The following KATNIP variants were observed in gnomAD, a reference collection of about 807,000 sequenced individuals.
The protein encoded by KATNIP is katanin-interacting protein.
In KATNIP, 126 loss-of-function variants were observed where a neutral mutation model predicts 174.0. That is an observed-to-expected ratio of 0.72 (90% CI 0.63 to 0.84). The LOEUF (loss-of-function observed/expected upper bound fraction) is 0.84, where lower values mean the gene tolerates loss of function less well. Ranked by LOEUF, KATNIP falls within the 40% of genes least tolerant of loss-of-function variation. The pLI, the probability that KATNIP is intolerant of heterozygous loss-of-function variation, is 0.00. For synonymous variants in KATNIP, 810 were observed against 835.7 expected (o/e 0.97, Z 0.53); for missense variants, 1,958 against 2,109.7 (o/e 0.93, Z 1.41).
chr16:27,660,265 G>A (rs1435286019), intron 6 of KATNIP, among the ~76,000 whole-genome samples: 1 of 152,070 alleles, frequency 6.6e-6, no homozygotes, highest in Non-Finnish European at 1.5e-5. Context: ...CAAAATCCGT[G>A]GATTGGCCGG....
chr16:27,700,872 C>G (rs753759858), intron 10 of KATNIP, among the ~76,000 whole-genome samples: 8 of 152,168 alleles, frequency 5.3e-5, no homozygotes, highest in Non-Finnish European at 8.8e-5. Context: ...TCCCATCATC[C>G]TCGTCTGCCA....
At chr16:27,760,592 C>T (rs1385359795) in intron 18 of KATNIP, among the ~76,000 whole-genome samples, 2 of 152,208 alleles carry the variant, frequency 1.3e-5, no homozygotes, top group Non-Finnish European at 1.5e-5. Context: ...TGTCAGTTTC[C>T]AGCGCTGGGG....
In KATNIP at chr16:27,740,341, A is replaced by C; in HGVS notation, c.2044A>C (p.Lys682Gln). The change falls in exon 15 of 28, where the codon AAG (lysine) becomes CAG (glutamine). Residue 682 changes from lysine to glutamine, a missense_variant. Around this residue, in one of 3 missense-constraint regions of KATNIP, gnomAD observed 1,557 missense variants for 1,617.8 expected, o/e 0.96. Transcript: ENST00000261588. ...ACAAGGAAATGTGTCTGGCAAAAGA[A>C]AGAATTCTACTAATTGCAGGAAAGA... ...SSQGNVSGKR[K>Q]NSTNCRKDSL... 1 of 1,614,256 alleles carries C rather than the reference A, an allele frequency of 6.2e-7. No individual in the cohort carries two copies. The highest frequency in any genetic ancestry group is 8.5e-7 in the Non-Finnish European group (1 of 1,180,046).
intron 8 of KATNIP, among the ~76,000 whole-genome samples, chr16:27,690,469 T>C (rs1004624235): frequency 6.6e-6 from 1 of 152,190 alleles, no homozygotes; most frequent in Non-Finnish European, 1.5e-5. Context: ...TGGAAAATGC[T>C]GCAAAACCAC....
At chr16:27,756,553 G>A (rs116548787) in intron 18 of KATNIP, among the ~76,000 whole-genome samples, 1,525 of 152,304 alleles carry the variant, frequency 0.01, 28 homozygotes, top group African/African-American at 0.035. Context: ...CACCACACTA[G>A]CAGATTGCCT....
chr16:27,614,635 A>G (rs946920039), intron 2 of KATNIP, among the ~76,000 whole-genome samples: 2 of 152,158 alleles, frequency 1.3e-5, no homozygotes, highest in South Asian at 4.2e-4. Flanking sequence ...ATTTCTTATA[A>G]TTTCATTATG....
chr16:27,728,462 G>T (rs553019670), intron 14 of KATNIP, among the ~76,000 whole-genome samples: 26 of 152,234 alleles, frequency 1.7e-4, no homozygotes, highest in Non-Finnish European at 2.5e-4. Flanking sequence ...AGACAGTCTC[G>T]CTTTGTCACC....
rs369324215 is a variant in KATNIP at position 27,773,206 on chromosome 16, A to T, written c.4306A>T (p.Asn1436Tyr). ...AGGAGAAAAAATCCCCTTGTCGGAA[A>T]ACAGTATCCTTTGTAGGACAGGAGT... ...ERGEKIPLSE[N>Y]NIAAFPDSVN... Residue 1436 changes from asparagine (N) to tyrosine (Y), a missense_variant, in exon 23 of 28, where the codon AAC becomes TAC. This residue lies in a region of KATNIP where 383 missense variants were observed against 456.0 expected (regional missense o/e 0.84). Coordinates refer to ENST00000261588, the MANE Select transcript of KATNIP (RefSeq NM_015202.5). 9 of 1,603,128 alleles carry T rather than the reference A, an allele frequency of 5.6e-6. No homozygotes were observed. The African/African-American group carries it at 9.4e-5, about 17-fold the overall frequency.
At chr16:27,563,920 T>G (rs1466980932) in intron 1 of KATNIP, among the ~76,000 whole-genome samples, 17 of 109,530 alleles carry the variant, frequency 1.6e-4, no homozygotes, top group African/African-American at 4.4e-4. Flanking sequence ...AAAAAAAAGC[T>G]GGCCATGATG....
rs762232139 is a variant in KATNIP, at chr16:27,749,696, A to T, written c.2736A>T (p.Gly912=). ...GTGCCTTCGACCGCTCCCACCGGGG[A>T]CGCATCTCCAACACGGAGCTCCCGG... is the stretch of plus-strand genomic sequence containing the variant. ...SLSAFDRSHR[G]RISNTELPGD... The change falls in exon 16 of 28, where the codon GGA becomes GGT. Residue 912 remains glycine, a synonymous_variant. Coordinates refer to ENST00000261588, the MANE Select transcript of KATNIP (RefSeq NM_015202.5). 2 of 1,613,452 alleles carry T rather than the reference A, an allele frequency of 1.2e-6. No homozygotes were observed. Among genetic ancestry groups the T allele is most frequent in the Non-Finnish European group, 1.7e-6 (2 of 1,179,718 alleles).
At chr16:27,695,143 C>G (rs1201301848) in intron 8 of KATNIP, among the ~76,000 whole-genome samples, 1 of 152,228 alleles carries the variant, frequency 6.6e-6, no homozygotes, top group Non-Finnish European at 1.5e-5. Context: ...GTCCCCTCCT[C>G]CACCGCTGTT....
intron 20 of KATNIP, 69 bp from the exon 21 acceptor site, chr16:27,769,792 A>G (rs2082236800): frequency 6.4e-7 from 1 of 1,563,212 alleles, no homozygotes; most frequent in Non-Finnish European, 8.7e-7. Flanking sequence ...AGCTCCGGTC[A>G]CGTCAGCACC....
At chr16:27,607,555 G>T (rs978544781) in intron 2 of KATNIP, among the ~76,000 whole-genome samples, 3 of 151,804 alleles carry the variant, frequency 2.0e-5, no homozygotes, top group Non-Finnish European at 4.4e-5. Context: ...AAGTGACTTG[G>T]GGGTGTGGAA....
chr16:27,568,044 G>A (rs1480309707), intron 1 of KATNIP, among the ~76,000 whole-genome samples: 2 of 152,162 alleles, frequency 1.3e-5, no homozygotes, highest in African/African-American at 4.8e-5. Flanking sequence ...ATGCCTCTCT[G>A]GGTAGTTCTT....
chr16:27,676,578 C>T (rs1014932990), intron 6 of KATNIP, among the ~76,000 whole-genome samples: 1 of 152,148 alleles, frequency 6.6e-6, no homozygotes, highest in Non-Finnish European at 1.5e-5. Flanking sequence ...GATTGCTTCC[C>T]ATTTTCTTAG....
intron 15 of KATNIP, among the ~76,000 whole-genome samples, 168 bp from the exon 16 acceptor site, chr16:27,749,416 G>A (rs1018413182): frequency 2.6e-5 from 4 of 152,130 alleles, no homozygotes; most frequent in African/African-American, 9.7e-5. Context: ...GTGCCAAGAG[G>A]CCTCTTGGCT....
Position 27,681,195 on chromosome 16 carries a change from A to G in KATNIP, c.809-204A>G. On this transcript the variant is annotated intron_variant, in intron 7 of 27. Transcript: ENST00000261588. ...TCCTAGAATCTTTTATGTACTTACC[A>G]AAATGTGGTGCTGGGCACACCATGA... 6.5e-6 allele frequency: 4 copies of G among 612,836 alleles called. No individual in the cohort carries two copies. The South Asian group carries it at 7.3e-5, about 11-fold the overall frequency. 38.0% of individuals were successfully genotyped at this position (612,836 alleles called of 1,614,324 possible).
At chr16:27,694,463 G>T (rs1441422121) in intron 8 of KATNIP, among the ~76,000 whole-genome samples, 1 of 152,000 alleles carries the variant, frequency 6.6e-6, no homozygotes, top group Non-Finnish European at 1.5e-5. Flanking sequence ...ACCAATCTTT[G>T]ATACCCTTAA....
chr16:27,677,922 A>G lies in KATNIP; in HGVS notation c.734A>G (p.Glu245Gly), dbSNP rs1231279626. Residue 245 changes from glutamate (E) to glycine (G), a missense_variant, in exon 7 of 28, where the codon GAA (glutamate) becomes GGA (glycine). By Grantham distance (98) the Glu-to-Gly change is moderately conservative. Transcript: ENST00000261588. ...TGGACTCAGAAAGATGTTCACGGGG[A>G]ACAGGAGACAGAAGGACGCTCTTCT... ...GDWTQKDVHGEQETEGRSSPG... is the reference protein window; with the variant it reads ...GDWTQKDVHGGQETEGRSSPG... The G allele has an allele frequency of 6.2e-7, 1 of 1,614,226 alleles. No individual in the cohort carries two copies. Among genetic ancestry groups the G allele is most frequent in the South Asian group, 1.1e-5 (1 of 91,084 alleles).
Sources: gnomAD v4.1 joint callset for allele counts (sites outside exome capture counted in the v4.1 genomes callset) on GRCh38, gnomAD v4.1.1 for gene constraint, gnomAD v4.1.1 regional missense constraint, MANE v1.5 for transcripts, NCBI Gene and HGNC (gene_info 2026-07-23, HGNC 2026-07-21) for gene names.